Variants in THSD7B observed in about 807,000 individuals in gnomAD.
The protein encoded by THSD7B is thrombospondin type 1 domain containing 7B.
A neutral mutation model predicts 213.6 loss-of-function variants in THSD7B; 138 were observed. The observed-to-expected ratio is 0.65, with a 90% CI of 0.56 to 0.74. THSD7B has a LOEUF of 0.74. Among genes scored for constraint, THSD7B ranks in the 30% least tolerant of loss-of-function variants. The probability of loss-of-function intolerance (pLI) is 0.00; values close to 1 mark genes in which losing one functional copy is unlikely to be tolerated. For missense variants in THSD7B, 1,931 were observed against 1,991.5 expected (o/e 0.97, Z 0.58); for synonymous variants, 742 against 687.0 (o/e 1.08, Z -1.25).
chr2:137,511,816 T>C (rs1340609520), intron 15 of THSD7B, among the ~76,000 whole-genome samples: 1 of 152,180 alleles, frequency 6.6e-6, no homozygotes, highest in African/African-American at 2.4e-5. Context: ...AAACTGAGGA[T>C]GTATGGAGAG....
At chr2:137,406,153 GA>G (rs1457833111) in intron 13 of THSD7B, among the ~76,000 whole-genome samples, 1 of 152,162 alleles carries the variant, frequency 6.6e-6, no homozygotes, top group African/African-American at 2.4e-5. Context: ...CAGTGAGCTT[GA>G]AGGCAATCAC....
chr2:137,043,022 A>C (rs535898708), intron 2 of THSD7B, among the ~76,000 whole-genome samples: 2 of 152,254 alleles, frequency 1.3e-5, no homozygotes, highest in African/African-American at 4.8e-5. Context: ...TCAGTGCACT[A>C]TTGAGCGAAG....
intron 2 of THSD7B, among the ~76,000 whole-genome samples, chr2:136,984,587 T>A (rs1321831394): frequency 6.6e-6 from 1 of 152,178 alleles, no homozygotes; most frequent in Non-Finnish European, 1.5e-5. Flanking sequence ...CATGATCTAA[T>A]TAAACCTGTT....
At chr2:137,064,557 T>G (rs542948000) in intron 3 of THSD7B, among the ~76,000 whole-genome samples, 1 of 152,118 alleles carries the variant, frequency 6.6e-6, no homozygotes, top group South Asian at 2.1e-4. Flanking sequence ...TGTGTTTTAT[T>G]ATTCAAGAAT....
intron 12 of THSD7B, among the ~76,000 whole-genome samples, chr2:137,319,916 C>G (rs553545257): frequency 6.6e-6 from 1 of 152,232 alleles, no homozygotes; most frequent in East Asian, 1.9e-4. Flanking sequence ...TTGGCTTGCC[C>G]TCCTCTTGCT....
At chr2:137,246,284 T>C (rs1017923200) in intron 10 of THSD7B, among the ~76,000 whole-genome samples, 4 of 152,204 alleles carry the variant, frequency 2.6e-5, no homozygotes, top group African/African-American at 9.6e-5. Context: ...CGGTTATGTC[T>C]GTGGTCTTCA....
At chr2:137,632,624 G>A (rs1277392496) in intron 20 of THSD7B, among the ~76,000 whole-genome samples, 2 of 152,148 alleles carry the variant, frequency 1.3e-5, no homozygotes, top group African/African-American at 4.8e-5. Context: ...CGGTCAGAAT[G>A]CATATACATA....
chr2:137,103,680 G>T (rs1390692715), intron 4 of THSD7B, among the ~76,000 whole-genome samples: 2 of 151,762 alleles, frequency 1.3e-5, no homozygotes, highest in African/African-American at 4.8e-5. Context: ...TAAAGGGATG[G>T]AGGAATATTT....
At chr2:137,177,999 A>T (rs1415908079) in intron 7 of THSD7B, among the ~76,000 whole-genome samples, 2 of 144,168 alleles carry the variant, frequency 1.4e-5, no homozygotes, top group African/African-American at 5.1e-5. Flanking sequence ...TGAACCTGGG[A>T]GGCGGAGGTT....
rs150318346 is a variant in THSD7B at position 137,612,082 on chromosome 2, G to A, written c.3424-4093G>A. Among the ~76,000 whole-genome samples, 1,084 of 152,250 alleles carry A rather than the reference G, an allele frequency of 7.1e-3. 10 individuals carry two copies. Among genetic ancestry groups the A allele is most frequent in the African/African-American group, 0.025 (1,028 of 41,550 alleles). ...ATTTACAATGATTTCACATTCATGT[G>A]TCTTAAATCTGCAATTCAAATTATA... On this transcript the variant is annotated intron_variant, in intron 17 of 27. Transcript: ENST00000409968.
intron 3 of THSD7B, among the ~76,000 whole-genome samples, chr2:137,077,769 A>G (rs537211810): frequency 0.034 from 4,549 of 134,516 alleles, 204 homozygotes; most frequent in African/African-American, 0.075. Context: ...CTCCCATTCC[A>G]TAGGTTGCCT....
At position 137,089,821 on chromosome 2, in the gene THSD7B, C is replaced by A. The variant is rs189714331; in HGVS notation, c.951-5052C>A. 2.0e-3 allele frequency among the ~76,000 whole-genome samples: 304 copies of A among 152,070 alleles called. 1 individual carries two copies. The highest frequency in any genetic ancestry group is 7.1e-3 in the African/African-American group (294 of 41,484). Reference sequence around the variant, plus strand: ...GTCAGGAATTTGAGACCAGCCTGGCCAACAGGGTGAAGCCCAGCTCTAATA... The same window carrying A: ...GTCAGGAATTTGAGACCAGCCTGGCAAACAGGGTGAAGCCCAGCTCTAATA... On this transcript the variant is annotated intron_variant, in intron 3 of 27. Transcript: ENST00000409968.
At chr2:136,827,025 C>T (rs1384657761) in intron 1 of THSD7B, among the ~76,000 whole-genome samples, 1 of 152,118 alleles carries the variant, frequency 6.6e-6, no homozygotes, top group African/African-American at 2.4e-5. Context: ...ATTAGAAAAC[C>T]AGAACAAACA....
intron 1 of THSD7B, among the ~76,000 whole-genome samples, chr2:136,881,083 C>A (rs1683614780): frequency 6.6e-6 from 1 of 152,124 alleles, no homozygotes; most frequent in Non-Finnish European, 1.5e-5. Flanking sequence ...GTTGTTTTCT[C>A]TGCCTGAGAT....
At chr2:137,011,086 A>G (rs776890596) in intron 2 of THSD7B, among the ~76,000 whole-genome samples, 3 of 152,174 alleles carry the variant, frequency 2.0e-5, no homozygotes, top group Non-Finnish European at 4.4e-5. Flanking sequence ...AACTATTTAC[A>G]TTCTCTGACC....
At chr2:136,878,531 C>A (rs909424981) in intron 1 of THSD7B, among the ~76,000 whole-genome samples, 2 of 152,096 alleles carry the variant, frequency 1.3e-5, no homozygotes, top group African/African-American at 2.4e-5. Flanking sequence ...TACAGTCCCA[C>A]CAACAGTGTA....
At chr2:137,372,000 G>C (rs992279575) in intron 12 of THSD7B, among the ~76,000 whole-genome samples, 1 of 152,058 alleles carries the variant, frequency 6.6e-6, no homozygotes, top group Non-Finnish European at 1.5e-5. Context: ...TTCGGTTTCT[G>C]TTTCTTTTTA....
chr2:137,615,667 G>T (rs1384345117), intron 17 of THSD7B, among the ~76,000 whole-genome samples: 1 of 152,120 alleles, frequency 6.6e-6, no homozygotes, highest in Non-Finnish European at 1.5e-5. Context: ...ATAAGAAGAA[G>T]GTTCTAGTGT....
At chr2:137,487,513 T>C (rs1236495915) in intron 15 of THSD7B, among the ~76,000 whole-genome samples, 1 of 150,896 alleles carries the variant, frequency 6.6e-6, no homozygotes, top group South Asian at 2.1e-4. Context: ...AAAAATTTAA[T>C]GAATCCAGGA....
Sources: allele counts gnomAD v4.1 joint callset (sites outside exome capture counted in the v4.1 genomes callset), GRCh38; gene constraint gnomAD v4.1.1; transcripts MANE v1.5; gene names NCBI Gene and HGNC (gene_info 2026-07-23, HGNC 2026-07-21).